The following ROR1 variants were observed in gnomAD, a reference collection of about 807,000 sequenced individuals.
ROR1 encodes the protein inactive tyrosine-protein kinase transmembrane receptor ROR1.
ROR1 carries 19 observed loss-of-function variants against 78.8 expected under a neutral mutation model. The ratio of observed to expected loss-of-function variants is 0.24; its 90% CI spans 0.17 to 0.35. ROR1 has a LOEUF of 0.35. Ranked by LOEUF, ROR1 falls within the 10% of genes least tolerant of loss-of-function variation. The pLI, the probability that ROR1 is intolerant of heterozygous loss-of-function variation, is 1.00. For synonymous variants in ROR1, 386 were observed against 433.6 expected, an observed-to-expected ratio of 0.89 and a Z score of 1.36; for missense variants, 917 against 1,177.8, an observed-to-expected ratio of 0.78 and a Z score of 3.24.
chr1:64,157,484 C>CT (rs1649808197), intron 7 of ROR1, among the ~76,000 whole-genome samples: 1 of 152,092 alleles, frequency 6.6e-6, no homozygotes, highest in Non-Finnish European at 1.5e-5. Flanking sequence ...AGATTTAACC[C>CT]CTCTCCAGGC....
intron 8 of ROR1, among the ~76,000 whole-genome samples, chr1:64,166,406 G>A (rs1228074828): frequency 2.6e-5 from 4 of 152,202 alleles, no homozygotes; most frequent in Non-Finnish European, 5.9e-5. Flanking sequence ...ATCAATGGTA[G>A]TTGAGTAGGA....
At chr1:63,786,246 C>A (rs12033360) in intron 1 of ROR1, among the ~76,000 whole-genome samples, 1 of 141,564 alleles carries the variant, frequency 7.1e-6, no homozygotes. Context: ...CTTACGCTGG[C>A]TACAACTTGA....
intron 1 of ROR1, among the ~76,000 whole-genome samples, chr1:63,804,073 A>G (rs1362347524): frequency 6.6e-6 from 1 of 151,988 alleles, no homozygotes; most frequent in Non-Finnish European, 1.5e-5. Flanking sequence ...AAATAACAAA[A>G]TTGAAGAAAT....
rs1249335229 is a variant in ROR1 at position 64,159,068 on chromosome 1, T to C, written c.1262T>C (p.Leu421Pro). The C allele has an allele frequency of 6.2e-7, 1 of 1,614,156 alleles. No individual in the cohort carries two copies. The stretch of plus-strand genomic sequence containing the variant: ...GCCATTCCCCTGGCCATTGCTTTAC[T>C]CTTCTTCTTCATTTGCGTCTGTCGG... ...SVAIPLAIAL[L>P]FFFICVCRNN... The change falls in exon 8 of 9, where the codon CTC (leucine) becomes CCC (proline). Residue 421 changes from leucine to proline, a missense_variant. Physicochemically the swap from Leu to Pro is moderately conservative, Grantham distance 98 (BLOSUM62 -3). Around this residue, in one of 3 missense-constraint regions of ROR1, gnomAD observed 835 missense variants for 1,069.8 expected, o/e 0.78. Transcript: ENST00000371079.
chr1:63,795,139 A>T (rs1324025404), intron 1 of ROR1, among the ~76,000 whole-genome samples: 4 of 152,162 alleles, frequency 2.6e-5, no homozygotes, highest in Admixed American at 2.6e-4. Context: ...GAGGGTTGGC[A>T]GCCAGGCTGG....
At chr1:63,818,051 T>TA (rs1280141631) in intron 1 of ROR1, among the ~76,000 whole-genome samples, 1 of 152,202 alleles carries the variant, frequency 6.6e-6, no homozygotes, top group Admixed American at 6.5e-5. Context: ...CCCTGTGAGA[T>TA]ACGTATTATT....
At chr1:63,935,936 GA>G (rs533463274) in intron 1 of ROR1, among the ~76,000 whole-genome samples, 3 of 152,036 alleles carry the variant, frequency 2.0e-5, no homozygotes, top group Non-Finnish European at 2.9e-5. Context: ...ATGTAAAGGA[GA>G]AAAAAAAGTC....
intron 7 of ROR1, among the ~76,000 whole-genome samples, chr1:64,147,270 T>C (rs898421564): frequency 1.3e-5 from 2 of 152,192 alleles, no homozygotes; most frequent in African/African-American, 4.8e-5. Flanking sequence ...ACAGTGAAAA[T>C]CCTGAGGACT....
chr1:64,045,449 T>C (rs527665134), intron 2 of ROR1, among the ~76,000 whole-genome samples: 1 of 152,308 alleles, frequency 6.6e-6, no homozygotes, highest in African/African-American at 2.4e-5. Context: ...TATTTTTAAA[T>C]AGGTTAATAA....
chr1:63,915,425 C>T (rs1645601649), intron 1 of ROR1, among the ~76,000 whole-genome samples: 1 of 152,110 alleles, frequency 6.6e-6, no homozygotes. Context: ...GCTTTCCTTC[C>T]CTGCACCTTG....
At chr1:64,132,258 T>G (rs1432030071) in intron 4 of ROR1, among the ~76,000 whole-genome samples, 1 of 152,182 alleles carries the variant, frequency 6.6e-6, no homozygotes, top group South Asian at 2.1e-4. Flanking sequence ...CTGAATAATA[T>G]AGTCTATTGT....
chr1:64,067,414 C>T (rs995236660), intron 4 of ROR1, among the ~76,000 whole-genome samples: 1 of 133,774 alleles, frequency 7.5e-6, no homozygotes, highest in Non-Finnish European at 1.5e-5. Context: ...CCCAGCACTC[C>T]AGCCTGGGCG....
chr1:63,805,966 A>G (rs1257585745), intron 1 of ROR1, among the ~76,000 whole-genome samples: 2 of 152,226 alleles, frequency 1.3e-5, no homozygotes, highest in African/African-American at 4.8e-5. Flanking sequence ...CTGCAGCCCA[A>G]TATGATTGCA....
At chr1:63,834,142 C>G (rs535264872) in intron 1 of ROR1, among the ~76,000 whole-genome samples, 1 of 151,416 alleles carries the variant, frequency 6.6e-6, no homozygotes, top group Non-Finnish European at 1.5e-5. Flanking sequence ...AAAGATGTTA[C>G]CCTGGGCTTA....
chr1:63,788,791 C>T (rs1644707270), intron 1 of ROR1: 11 of 585,892 alleles, frequency 1.9e-5, no homozygotes, highest in South Asian at 4.5e-5. Flanking sequence ...CTCTTTATGG[C>T]GCTTGCATGC....
At chr1:63,831,089 G>T (rs560646798) in intron 1 of ROR1, among the ~76,000 whole-genome samples, 27 of 152,332 alleles carry the variant, frequency 1.8e-4, no homozygotes, top group African/African-American at 6.5e-4. Flanking sequence ...CTGCCCCTAT[G>T]GCTCTGCAGG....
At chr1:64,159,373 T>C (rs895121776) in intron 8 of ROR1, among the ~76,000 whole-genome samples, 181 bp downstream of exon 8, 44 of 152,158 alleles carry the variant, frequency 2.9e-4, no homozygotes, top group African/African-American at 1.0e-3. Context: ...GACACTTTCA[T>C]CAGTATGTCT....
chr1:64,144,987 A>G (rs2100715886), intron 7 of ROR1, among the ~76,000 whole-genome samples: 1 of 152,344 alleles, frequency 6.6e-6, no homozygotes, highest in Middle Eastern at 3.4e-3. Flanking sequence ...ATATACACTT[A>G]GGATTTATTG....
rs1650470061 is a variant in ROR1 at position 64,178,838 on chromosome 1, A to G, written c.2797A>G (p.Ile933Val). Residue 933 changes from isoleucine (I) to valine (V), a missense_variant, in exon 9 of 9, where the codon ATT (isoleucine) becomes GTT (valine). Transcript: ENST00000371079. The surrounding 1 kb of genome is among the most constrained non-coding windows in gnomAD (Gnocchi z 4.3). Reference protein sequence around the residue: ...ANIHGHTESMISAEL With the variant: ...ANIHGHTESMVSAEL ...TATTCATGGACACACCGAATCTATG[A>G]TTTCTGCAGAACTGTAAAATGCACA... The G allele has an allele frequency of 6.2e-7, 1 of 1,613,176 alleles. No individual in the cohort carries two copies. Among genetic ancestry groups the G allele is most frequent in the Non-Finnish European group, 8.5e-7 (1 of 1,179,428 alleles).
Sources: allele counts gnomAD v4.1 joint callset (sites outside exome capture counted in the v4.1 genomes callset), GRCh38; gene constraint gnomAD v4.1.1; regional missense constraint gnomAD v4.1.1; non-coding constraint Gnocchi (gnomAD v3.1); transcripts MANE v1.5; gene names NCBI Gene and HGNC (gene_info 2026-07-23, HGNC 2026-07-21).